Variants in ATP13A5 observed in about 807,000 individuals in gnomAD.
ATP13A5 encodes the protein probable cation-transporting ATPase 13A5.
In ATP13A5, 149 loss-of-function variants were observed where a neutral mutation model predicts 150.2. The ratio of observed to expected loss-of-function variants is 0.99; its 90% CI spans 0.87 to 1.14. The LOEUF (loss-of-function observed/expected upper bound fraction) is 1.14. Ranked by LOEUF, ATP13A5 falls within the 50% of genes most tolerant of loss-of-function variation. ATP13A5 has a pLI of 0.00. For synonymous variants in ATP13A5, 497 were observed against 522.2 expected, an observed-to-expected ratio of 0.95 and a Z score of 0.66; for missense variants, 1,383 against 1,449.3, an observed-to-expected ratio of 0.95 and a Z score of 0.74.
chr3:193,316,291 T>G (rs1719049974), intron 17 of ATP13A5, among the ~76,000 whole-genome samples: 1 of 152,146 alleles, frequency 6.6e-6, no homozygotes, highest in Non-Finnish European at 1.5e-5. Context: ...TACCTTTTTT[T>G]GAGATCCCAA....
chr3:193,314,275 G>T, intron 18 of ATP13A5, 82 bp from the exon 19 acceptor site: 14 of 1,454,024 alleles, frequency 9.6e-6, no homozygotes, highest in Non-Finnish European at 1.2e-5. Flanking sequence ...TTTCCACTCT[G>T]CTTGGTGTTC....
chr3:193,357,521 G>T (rs2108896518), intron 5 of ATP13A5, among the ~76,000 whole-genome samples: 1 of 152,204 alleles, frequency 6.6e-6, no homozygotes, highest in East Asian at 1.9e-4. Context: ...AATATTCAGG[G>T]GTGTTGACTA....
intron 11 of ATP13A5, among the ~76,000 whole-genome samples, chr3:193,332,576 A>G (rs1577354740): frequency 6.6e-6 from 1 of 152,244 alleles, no homozygotes. Flanking sequence ...AGTATTGGAA[A>G]CATGGGATTC....
intron 17 of ATP13A5, among the ~76,000 whole-genome samples, chr3:193,317,737 CA>C (rs1719103246): frequency 6.6e-6 from 1 of 151,984 alleles, no homozygotes; most frequent in Admixed American, 6.6e-5. Context: ...TGATATTCCC[CA>C]AAAAAACCTG....
chr3:193,354,341 G>A (rs75598691), intron 5 of ATP13A5, 145 bp from the exon 6 acceptor site: 8,133 of 679,028 alleles, frequency 0.012, 73 homozygotes, highest in Non-Finnish European at 0.015. Flanking sequence ...CTTTTGAAAC[G>A]TAATTCTAAA....
intron 27 of ATP13A5, among the ~76,000 whole-genome samples, chr3:193,279,976 TAAAAAAAAA>T (rs57617984): frequency 2.7e-4 from 16 of 59,900 alleles, no homozygotes; most frequent in East Asian, 6.5e-4. Context: ...GTGTCTTTGT[TAAAAAAAAA>T]AAAAAAAAAA....
In ATP13A5 at chr3:193,310,733, A is replaced by C; in HGVS notation, c.2446-16T>G. 6.3e-7 allele frequency: 1 copy of C among 1,586,102 alleles called. No individual in the cohort carries two copies. Among genetic ancestry groups the C allele is most frequent in the Non-Finnish European group, 8.6e-7 (1 of 1,167,192 alleles). On this transcript the variant is annotated splice_polypyrimidine_tract_variant and intron_variant, in intron 20 of 29. Transcript: ENST00000342358. ...TCACCAGAATCTAAAAAGAAAAAAC[A>C]ACCATTGCAATATGATTGGGAAGAA... is the stretch of plus-strand genomic sequence containing the variant.
intron 11 of ATP13A5, among the ~76,000 whole-genome samples, chr3:193,333,199 A>G (rs1312727554): frequency 1.3e-5 from 2 of 151,484 alleles, no homozygotes; most frequent in African/African-American, 4.9e-5. Flanking sequence ...ACACACGCTC[A>G]TTGATGCCAC....
chr3:193,335,248 G>A, intron 9 of ATP13A5, 149 bp from the exon 10 acceptor site: 2 of 661,498 alleles, frequency 3.0e-6, no homozygotes, highest in South Asian at 2.1e-5. Context: ...TAGAGATGCT[G>A]GTGGTACAAG....
rs552896879 is a variant in ATP13A5 at position 193,373,419 on chromosome 3, C to T, written c.63+5244G>A. Among the ~76,000 whole-genome samples the T allele has an allele frequency of 3.0e-4, 45 of 151,186 alleles. No homozygotes were observed. In the South Asian group the frequency reaches 8.9e-3, roughly 30 times the overall value. On this transcript the variant is annotated intron_variant, in intron 1 of 29. Transcript: ENST00000342358. ...TCGGCCTCTCAAAGTGCTGGGATTA[C>T]AGGCGTGAGCCACCGCGCCCAGGCA...
At chr3:193,309,338 C>G (rs769285403) in intron 21 of ATP13A5, among the ~76,000 whole-genome samples, 1 of 152,170 alleles carries the variant, frequency 6.6e-6, no homozygotes, top group South Asian at 2.1e-4. Flanking sequence ...TATAACGCAC[C>G]TACTTCCCCA....
chr3:193,334,798 G>T, intron 10 of ATP13A5, 131 bp downstream of exon 10: 1 of 761,108 alleles, frequency 1.3e-6, no homozygotes, highest in Non-Finnish European at 2.1e-6. Context: ...AATAATAAGT[G>T]TCTGTTTGGA....
At chr3:193,351,315 T>G in intron 6 of ATP13A5, 114 bp from the exon 7 acceptor site, 6 of 1,230,856 alleles carry the variant, frequency 4.9e-6, no homozygotes, top group South Asian at 1.4e-5. Context: ...CACAAACCTC[T>G]AATATTTAAG....
chr3:193,322,763 G>C (rs2108864016), intron 14 of ATP13A5, among the ~76,000 whole-genome samples, 189 bp from the exon 15 acceptor site: 1 of 152,262 alleles, frequency 6.6e-6, no homozygotes, highest in South Asian at 2.1e-4. Context: ...CCTTATTGTA[G>C]AATGTCAAAA....
chr3:193,352,579 G>A (rs1712605634), intron 6 of ATP13A5, among the ~76,000 whole-genome samples: 1 of 151,810 alleles, frequency 6.6e-6, no homozygotes, highest in Admixed American at 6.6e-5. Flanking sequence ...ATTGACCCCT[G>A]GAGAATATTT....
At chr3:193,373,049 G>C (rs911979198) in intron 1 of ATP13A5, among the ~76,000 whole-genome samples, 2 of 152,088 alleles carry the variant, frequency 1.3e-5, no homozygotes, top group African/African-American at 4.8e-5. Flanking sequence ...TTTTTGAGGG[G>C]AAGTTCTTTA....
intron 16 of ATP13A5, among the ~76,000 whole-genome samples, chr3:193,320,544 A>T (rs1428195075): frequency 6.6e-6 from 1 of 152,228 alleles, no homozygotes; most frequent in Non-Finnish European, 1.5e-5. Flanking sequence ...TACCCGTGTA[A>T]CTGAAACAAA....
chr3:193,346,732 A>G (rs142810776), intron 7 of ATP13A5, among the ~76,000 whole-genome samples: 51 of 152,308 alleles, frequency 3.3e-4, no homozygotes, highest in African/African-American at 1.1e-3. Context: ...CCCAGCGTTA[A>G]TATTTATATG....
chr3:193,362,564 T>C lies in ATP13A5; in HGVS notation c.455+3A>G. 6.2e-7 allele frequency: 1 copy of C among 1,614,138 alleles called. No homozygotes were observed. Among genetic ancestry groups the C allele is most frequent in the Non-Finnish European group, 8.5e-7 (1 of 1,179,978 alleles). On this transcript the variant is annotated splice_donor_region_variant and intron_variant, in intron 4 of 29. Coordinates refer to ENST00000342358, the MANE Select transcript of ATP13A5 (RefSeq NM_198505.4). ...CCAAGGGGTGACAAAACATTGTACTTACCCAACTTTCTGAAACCGCTTCTC... is the reference window on the plus strand; with the variant it reads ...CCAAGGGGTGACAAAACATTGTACTCACCCAACTTTCTGAAACCGCTTCTC...
Sources: gnomAD v4.1 joint callset for allele counts (sites outside exome capture counted in the v4.1 genomes callset) on GRCh38, gnomAD v4.1.1 for gene constraint, MANE v1.5 for transcripts, NCBI Gene and HGNC (gene_info 2026-07-23, HGNC 2026-07-21) for gene names.